Variants in NR3C1 observed in about 807,000 individuals in gnomAD.
NR3C1 encodes the protein nuclear receptor subfamily 3 group C member 1.
Under a neutral mutation model 74.0 loss-of-function variants are expected in NR3C1, and 14 were observed. The ratio of observed to expected loss-of-function variants is 0.19; its 90% CI spans 0.12 to 0.30. The LOEUF (loss-of-function observed/expected upper bound fraction) is 0.30, where lower values mean the gene tolerates loss of function less well. Among genes scored for constraint, NR3C1 ranks in the 10% least tolerant of loss-of-function variants. The pLI, the probability that NR3C1 is intolerant of heterozygous loss-of-function variation, is 1.00. For synonymous variants in NR3C1, 308 were observed against 332.5 expected, an observed-to-expected ratio of 0.93 and a Z score of 0.80; for missense variants, 695 against 909.8, an observed-to-expected ratio of 0.76 and a Z score of 3.04.
Position 143,361,680 on chromosome 5 carries a change from G to A in NR3C1, c.1184+37976C>T, listed in dbSNP as rs74534592. 5.9e-3 allele frequency among the ~76,000 whole-genome samples: 906 copies of A among 152,288 alleles called. 10 individuals carry two copies. The highest frequency in any genetic ancestry group is 0.021 in the African/African-American group (854 of 41,552). On this transcript the variant is annotated intron_variant, in intron 2 of 8. Coordinates refer to ENST00000394464, the MANE Select transcript of NR3C1 (RefSeq NM_000176.3). ...CTGGTGGACAGTACTACCAGGCACTGACTTGAAATATTTGTCAGCTGCTGT... is the reference window on the plus strand; with the variant it reads ...CTGGTGGACAGTACTACCAGGCACTAACTTGAAATATTTGTCAGCTGCTGT...
At chr5:143,305,061 G>GTT (rs1406022339) in intron 4 of NR3C1, among the ~76,000 whole-genome samples, 2 of 152,058 alleles carry the variant, frequency 1.3e-5, no homozygotes, top group Admixed American at 1.3e-4. Flanking sequence ...TAACTAAAGA[G>GTT]TTTCTGCAAA....
chr5:143,312,839 G>A (rs188340903), intron 3 of NR3C1, among the ~76,000 whole-genome samples: 8 of 152,250 alleles, frequency 5.3e-5, no homozygotes, highest in Admixed American at 1.3e-4. Flanking sequence ...TGTCTTCTGC[G>A]TATGTGTTAA....
intron 2 of NR3C1, among the ~76,000 whole-genome samples, chr5:143,317,813 A>C (rs1822478140): frequency 6.6e-6 from 1 of 152,162 alleles, no homozygotes; most frequent in Admixed American, 6.5e-5. Context: ...ACCTGAATGA[A>C]AGGCAAGCAC....
chr5:143,364,231 G>A (rs1024275116), intron 2 of NR3C1, among the ~76,000 whole-genome samples: 3 of 152,176 alleles, frequency 2.0e-5, no homozygotes, highest in South Asian at 4.1e-4. Flanking sequence ...AAGACAGTAC[G>A]ATGACATATT....
chr5:143,423,616 C>T lies in NR3C1; in HGVS notation c.-14+10916G>A, dbSNP rs533316600. On this transcript the variant is annotated intron_variant, in intron 1 of 8. Transcript: ENST00000343796. ...CAGCAATCCCACTGCTGGACATATA[C>T]CCAAAAGAAAGAAAATCAGTATATC... Among the ~76,000 whole-genome samples, 4 of 152,162 alleles carry T rather than the reference C, an allele frequency of 2.6e-5. No individual in the cohort carries two copies. In the South Asian group the frequency reaches 8.3e-4, roughly 32 times the overall value.
At chr5:143,368,117 G>T (rs1295650665) in intron 2 of NR3C1, among the ~76,000 whole-genome samples, 1 of 152,152 alleles carries the variant, frequency 6.6e-6, no homozygotes, top group Non-Finnish European at 1.5e-5. Flanking sequence ...TTTCAACAAG[G>T]TATCAAGACC....
intron 2 of NR3C1, among the ~76,000 whole-genome samples, chr5:143,388,014 A>G (rs752566357): frequency 2.6e-5 from 4 of 152,214 alleles, no homozygotes; most frequent in Admixed American, 2.0e-4. Flanking sequence ...AGCTTCTGCT[A>G]CAAAAGTTCC....
chr5:143,358,586 T>C (rs1831597338), intron 2 of NR3C1, among the ~76,000 whole-genome samples: 1 of 152,212 alleles, frequency 6.6e-6, no homozygotes, highest in Admixed American at 6.5e-5. Context: ...TCCAAACCCT[T>C]AGCAAAATAT....
intron 2 of NR3C1, among the ~76,000 whole-genome samples, chr5:143,318,925 G>A (rs1822753394): frequency 6.6e-6 from 1 of 152,148 alleles, no homozygotes; most frequent in Non-Finnish European, 1.5e-5. Flanking sequence ...GTGCATGACA[G>A]TGAATACAGT....
intron 1 of NR3C1, among the ~76,000 whole-genome samples, chr5:143,432,670 A>T (rs982092305): frequency 6.6e-6 from 1 of 152,178 alleles, no homozygotes; most frequent in African/African-American, 2.4e-5. Context: ...TTCCCCATGA[A>T]TTCAATGTTT....
At chr5:143,283,434 C>G (rs904514920) in intron 7 of NR3C1, among the ~76,000 whole-genome samples, 8 of 152,244 alleles carry the variant, frequency 5.3e-5, no homozygotes, top group African/African-American at 1.9e-4. Flanking sequence ...TGAAATAATA[C>G]AGTGATTTTT....
chr5:143,308,714 C>T (rs1193031667), intron 4 of NR3C1, among the ~76,000 whole-genome samples: 1 of 152,180 alleles, frequency 6.6e-6, no homozygotes, highest in Non-Finnish European at 1.5e-5. Flanking sequence ...AATTAGGTGA[C>T]CTTCCTCTTG....
At chr5:143,435,341 T>G in exon 1 of NR3C1, 1 of 985,506 alleles carries the variant, frequency 1.0e-6, no homozygotes, top group Non-Finnish European at 1.2e-6. Flanking sequence ...GATCTAAGTT[T>G]TCTCCTTCTC....
chr5:143,295,042 G>T (rs1554073063), intron 7 of NR3C1: 7 of 985,328 alleles, frequency 7.1e-6, no homozygotes, highest in Non-Finnish European at 8.4e-6. Context: ...CCTTTTCTAG[G>T]ATGCGCCTTT....
At chr5:143,382,420 T>C (rs1188668613) in intron 2 of NR3C1, among the ~76,000 whole-genome samples, 2 of 152,236 alleles carry the variant, frequency 1.3e-5, no homozygotes, top group African/African-American at 4.8e-5. Context: ...CAGCGTGTAG[T>C]ATGGCACAAC....
chr5:143,403,947 C>G, upstream of NR3C1: 1 of 985,024 alleles, frequency 1.0e-6, no homozygotes, highest in South Asian at 4.7e-5. Flanking sequence ...CCCCAACTCC[C>G]CAGGAAAAAG....
At chr5:143,353,072 G>A (rs1830496825) in intron 2 of NR3C1, among the ~76,000 whole-genome samples, 1 of 152,088 alleles carries the variant, frequency 6.6e-6, no homozygotes, top group African/African-American at 2.4e-5. Context: ...TTTCAACAAG[G>A]TTCACAGAAT....
chr5:143,354,718 T>C (rs1171075746), intron 2 of NR3C1, among the ~76,000 whole-genome samples: 4 of 150,800 alleles, frequency 2.7e-5, no homozygotes, highest in Admixed American at 2.6e-4. Flanking sequence ...AGGTCAGGAG[T>C]TCGAGACCAG....
chr5:143,312,205 T>A (rs1262601448), intron 3 of NR3C1, among the ~76,000 whole-genome samples: 1 of 152,194 alleles, frequency 6.6e-6, no homozygotes, highest in Admixed American at 6.5e-5. Context: ...TGGCCCCCAG[T>A]GATCTCTGCC....
Sources: allele counts gnomAD v4.1 joint callset (sites outside exome capture counted in the v4.1 genomes callset), GRCh38; gene constraint gnomAD v4.1.1; transcripts MANE v1.5; gene names NCBI Gene and HGNC (gene_info 2026-07-23, HGNC 2026-07-21).